The following DLGAP2 variants were observed in gnomAD, a reference collection of about 807,000 sequenced individuals.
DLGAP2 encodes the protein disks large-associated protein 2.
In DLGAP2, 26 loss-of-function variants were observed where a neutral mutation model predicts 100.3. That is an observed-to-expected ratio of 0.26 (90% CI 0.19 to 0.36). The LOEUF (loss-of-function observed/expected upper bound fraction) is 0.36, where lower values mean the gene tolerates loss of function less well. Among genes scored for constraint, DLGAP2 ranks in the 10% least tolerant of loss-of-function variants. The probability of loss-of-function intolerance (pLI) is 1.00; values close to 1 mark genes in which losing one functional copy is unlikely to be tolerated. For missense variants in DLGAP2, 1,858 were observed against 1,453.2 expected, an observed-to-expected ratio of 1.28 and a Z score of -4.53; for synonymous variants, 886 against 630.1, an observed-to-expected ratio of 1.41 and a Z score of -6.08.
intron 14 of DLGAP2, among the ~76,000 whole-genome samples, chr8:1,700,388 C>A: frequency 1.4e-5 from 1 of 72,162 alleles, no homozygotes; most frequent in Non-Finnish European, 2.5e-5. Flanking sequence ...GGAGACGGGG[C>A]AGGTCCCACT....
intron 3 of DLGAP2, among the ~76,000 whole-genome samples, chr8:1,382,699 G>T (rs554361543): frequency 8.7e-4 from 132 of 152,306 alleles, no homozygotes; most frequent in Middle Eastern, 3.4e-3. Flanking sequence ...CCATGATCGT[G>T]CCGCTGCACT....
At chr8:1,640,773 C>G (rs1257342422) in intron 8 of DLGAP2, among the ~76,000 whole-genome samples, 3 of 152,152 alleles carry the variant, frequency 2.0e-5, no homozygotes, top group Admixed American at 1.3e-4. Context: ...CGTGGCCCGC[C>G]CCCCCGCATC....
intron 1 of DLGAP2, among the ~76,000 whole-genome samples, chr8:795,011 A>C (rs892422260): frequency 6.6e-6 from 1 of 152,166 alleles, no homozygotes; most frequent in Non-Finnish European, 1.5e-5. Context: ...GAGGTCCTCC[A>C]TTTAGTTTGG....
intron 8 of DLGAP2, among the ~76,000 whole-genome samples, chr8:1,645,040 A>G (rs2130801060): frequency 6.6e-6 from 1 of 152,258 alleles, no homozygotes; most frequent in South Asian, 2.1e-4. Flanking sequence ...GGTTAGAGAG[A>G]GCTCTGATGG....
Position 1,632,911 on chromosome 8 carries a change from C to G in DLGAP2, c.1675C>G (p.Leu559Val), listed in dbSNP as rs779200956. Reference sequence around the variant, plus strand: ...AGTTGAATCTCAGGCCATGGATGCCCTCGACCTCCCGGGATGTTTCCGAAC... The same window carrying G: ...AGTTGAATCTCAGGCCATGGATGCCGTCGACCTCCCGGGATGTTTCCGAAC... ...SEVESQAMDA[L>V]DLPGCFRTRS... Residue 559 changes from leucine (L) to valine (V), a missense_variant, in exon 8 of 15, where the codon CTC (leucine) becomes GTC (valine). By Grantham distance (32) the Leu-to-Val change is conservative. Coordinates refer to ENST00000637795, the MANE Select transcript of DLGAP2 (RefSeq NM_001346810.2). 3.7e-6 allele frequency: 6 copies of G among 1,614,002 alleles called. No homozygotes were observed. Among genetic ancestry groups the G allele is most frequent in the Non-Finnish European group, 4.2e-6 (5 of 1,179,886 alleles).
intron 5 of DLGAP2, among the ~76,000 whole-genome samples, chr8:1,556,214 G>T (rs752700047): frequency 1.3e-5 from 2 of 152,186 alleles, no homozygotes; most frequent in Non-Finnish European, 2.9e-5. Context: ...CCTCAACTTG[G>T]CAGCTGAGGC....
intron 2 of DLGAP2, among the ~76,000 whole-genome samples, chr8:1,223,776 C>T (rs1240264597): frequency 6.6e-6 from 1 of 152,042 alleles, no homozygotes; most frequent in Non-Finnish European, 1.5e-5. Context: ...ATCAACCTGT[C>T]GGAATCTCAA....
intron 3 of DLGAP2, among the ~76,000 whole-genome samples, chr8:1,463,662 C>G (rs1416942361): frequency 6.6e-6 from 1 of 152,246 alleles, no homozygotes; most frequent in Admixed American, 6.5e-5. Flanking sequence ...ACCCAAATCT[C>G]ACTTGCATTT....
chr8:1,315,514 G>C (rs1237974562), intron 3 of DLGAP2, among the ~76,000 whole-genome samples: 336 of 137,988 alleles, frequency 2.4e-3, no homozygotes, highest in Middle Eastern at 4.2e-3. Flanking sequence ...CGAGTGCAGC[G>C]TCTCTCCAAC....
chr8:833,078 C>G (rs139724004), intron 1 of DLGAP2, among the ~76,000 whole-genome samples: 83 of 152,330 alleles, frequency 5.4e-4, no homozygotes, highest in African/African-American at 1.9e-3. Context: ...ATGAGCAGCA[C>G]TGGGGTTGAT....
chr8:1,515,773 A>C (rs1264330657), intron 4 of DLGAP2, among the ~76,000 whole-genome samples: 1 of 150,144 alleles, frequency 6.7e-6, no homozygotes, highest in African/African-American at 2.5e-5. Context: ...AACATACAAC[A>C]CATACAACAC....
At chr8:781,701 C>G (rs1183369713) in intron 1 of DLGAP2, among the ~76,000 whole-genome samples, 2 of 152,146 alleles carry the variant, frequency 1.3e-5, no homozygotes, top group African/African-American at 2.4e-5. Context: ...AAAGAACGAA[C>G]TTACTTCTTA....
At chr8:1,564,923 G>A (rs1181934070) in intron 5 of DLGAP2, among the ~76,000 whole-genome samples, 1 of 152,110 alleles carries the variant, frequency 6.6e-6, no homozygotes, top group Non-Finnish European at 1.5e-5. Flanking sequence ...AACATGCGTG[G>A]GTGCTGAGTT....
chr8:1,629,907 G>C (rs13280292), intron 7 of DLGAP2, among the ~76,000 whole-genome samples: 7 of 151,906 alleles, frequency 4.6e-5, no homozygotes, highest in Non-Finnish European at 1.0e-4. Flanking sequence ...TAGTTCTCTC[G>C]TCATCTTGCT....
chr8:1,189,484 C>T (rs1797588847), intron 2 of DLGAP2, among the ~76,000 whole-genome samples: 1 of 152,170 alleles, frequency 6.6e-6, no homozygotes, highest in Non-Finnish European at 1.5e-5. Context: ...CTTTTATCCA[C>T]TCAAGCAACT....
intron 2 of DLGAP2, among the ~76,000 whole-genome samples, chr8:1,059,671 T>C (rs1803011862): frequency 1.3e-5 from 2 of 152,134 alleles, no homozygotes; most frequent in Non-Finnish European, 2.9e-5. Flanking sequence ...TGTGGGTAGA[T>C]ATGCTGTGGT....
chr8:1,435,062 G>A (rs190580185), intron 3 of DLGAP2, among the ~76,000 whole-genome samples: 5 of 152,314 alleles, frequency 3.3e-5, no homozygotes, highest in South Asian at 2.1e-4. Flanking sequence ...TGGCTCCGCC[G>A]TCCTTATTGC....
intron 1 of DLGAP2, among the ~76,000 whole-genome samples, chr8:904,472 A>G (rs1353694530): frequency 1.3e-5 from 2 of 152,192 alleles, no homozygotes; most frequent in African/African-American, 4.8e-5. Flanking sequence ...GTGAGCTGGG[A>G]TCGCACCACT....
intron 2 of DLGAP2, among the ~76,000 whole-genome samples, chr8:1,088,810 C>T (rs112586107): frequency 0.029 from 2,346 of 79,826 alleles, 160 homozygotes; most frequent in East Asian, 0.064. Flanking sequence ...CCACTCTCTC[C>T]ACCCCTCATC....
Sources: gnomAD v4.1 joint callset for allele counts (sites outside exome capture counted in the v4.1 genomes callset) on GRCh38, gnomAD v4.1.1 for gene constraint, MANE v1.5 for transcripts, NCBI Gene and HGNC (gene_info 2026-07-23, HGNC 2026-07-21) for gene names.